Variants in SUGCT observed in about 807,000 individuals in gnomAD.
The protein encoded by SUGCT is succinyl-CoA:glutarate CoA-transferase.
Under a neutral mutation model 55.0 loss-of-function variants are expected in SUGCT, and 41 were observed. The ratio of observed to expected loss-of-function variants is 0.74; its 90% CI spans 0.58 to 0.97. The LOEUF (loss-of-function observed/expected upper bound fraction) is 0.97, where lower values mean the gene tolerates loss of function less well. SUGCT is among the 50% of genes least tolerant of loss of function. The pLI is 0.00. For missense variants in SUGCT, 568 were observed against 547.8 expected (o/e 1.04, Z -0.37); for synonymous variants, 187 against 200.4 (o/e 0.93, Z 0.56).
intron 13 of SUGCT, among the ~76,000 whole-genome samples, chr7:40,851,417 A>G (rs921012744): frequency 3.9e-5 from 6 of 152,224 alleles, no homozygotes; most frequent in African/African-American, 1.4e-4. Flanking sequence ...CGTTCATTAA[A>G]TAGTAGTTTT....
At chr7:40,957,258 C>T in the SUGCT span, among the ~76,000 whole-genome samples, 4 of 152,076 alleles carry the variant, frequency 2.6e-5, no homozygotes, top group Admixed American at 2.0e-4. Flanking sequence ...GTCAAAGTCT[C>T]TTTGTAGGTC....
intron 9 of SUGCT, among the ~76,000 whole-genome samples, chr7:40,362,882 T>A (rs1798224060): frequency 6.6e-6 from 1 of 152,130 alleles, no homozygotes; most frequent in African/African-American, 2.4e-5. Context: ...AAGTGCAATT[T>A]TGTCTTATAG....
At chr7:40,335,421 C>T (rs1211957188) in intron 9 of SUGCT, among the ~76,000 whole-genome samples, 1 of 151,646 alleles carries the variant, frequency 6.6e-6, no homozygotes, top group East Asian at 1.9e-4. Flanking sequence ...TCTTTTATTT[C>T]ATTGAGCAGT....
At chr7:40,265,298 G>A (rs1791491948) in intron 7 of SUGCT, among the ~76,000 whole-genome samples, 1 of 152,160 alleles carries the variant, frequency 6.6e-6, no homozygotes, top group South Asian at 2.1e-4. Flanking sequence ...AAGTAATTAG[G>A]TTGAGTAATG....
chr7:40,930,229 G>T, the SUGCT span, among the ~76,000 whole-genome samples: 1 of 152,282 alleles, frequency 6.6e-6, no homozygotes, highest in South Asian at 2.1e-4. Flanking sequence ...ACAGACAGTT[G>T]TAGATGAGTG....
chr7:40,858,772 T>TA (rs1794333323), intron 13 of SUGCT, among the ~76,000 whole-genome samples: 1 of 152,118 alleles, frequency 6.6e-6, no homozygotes, highest in Admixed American at 6.5e-5. Context: ...CTGGGGCATT[T>TA]AAAAGAAAAT....
intron 9 of SUGCT, among the ~76,000 whole-genome samples, chr7:40,336,398 G>C (rs573048161): frequency 6.6e-6 from 1 of 152,228 alleles, no homozygotes; most frequent in African/African-American, 2.4e-5. Context: ...TTGGTTGATA[G>C]GCTATTAATT....
chr7:40,543,433 A>G (rs1415613511), intron 12 of SUGCT, among the ~76,000 whole-genome samples: 1 of 152,236 alleles, frequency 6.6e-6, no homozygotes, highest in Non-Finnish European at 1.5e-5. Flanking sequence ...GCTGCAACAC[A>G]CAGACTGAAA....
At chr7:40,341,058 A>C (rs1168430422) in intron 9 of SUGCT, among the ~76,000 whole-genome samples, 1 of 152,170 alleles carries the variant, frequency 6.6e-6, no homozygotes, top group African/African-American at 2.4e-5. Context: ...CAAGGGAATA[A>C]ATGGATCTAA....
At chr7:40,789,653 G>A (rs1790208509) in intron 13 of SUGCT, among the ~76,000 whole-genome samples, 1 of 152,098 alleles carries the variant, frequency 6.6e-6, no homozygotes, top group South Asian at 2.1e-4. Context: ...TGGGATAGCT[G>A]GATTTTGAAT....
At chr7:40,760,295 T>G (rs1788466913) in intron 13 of SUGCT, among the ~76,000 whole-genome samples, 1 of 152,216 alleles carries the variant, frequency 6.6e-6, no homozygotes, top group African/African-American at 2.4e-5. Flanking sequence ...ATGATTTTTC[T>G]TCCCCAAGCA....
chr7:40,808,052 A>G (rs967033198), intron 13 of SUGCT: 2 of 152,188 alleles, frequency 1.3e-5, no homozygotes, highest in African/African-American at 4.8e-5. Flanking sequence ...CCACATAGAC[A>G]CACCGAGGAA....
chr7:40,994,316 C>G, the SUGCT span, among the ~76,000 whole-genome samples: 1 of 152,134 alleles, frequency 6.6e-6, no homozygotes, highest in African/African-American at 2.4e-5. Context: ...ATCATTAAAA[C>G]TAGATTGAGA....
intron 10 of SUGCT, among the ~76,000 whole-genome samples, chr7:40,451,798 C>T (rs916235924): frequency 3.3e-5 from 5 of 152,322 alleles, no homozygotes; most frequent in Non-Finnish European, 7.4e-5. Flanking sequence ...GCAAGGTTTT[C>T]TTCCCTTCCC....
rs73318559 is a variant in SUGCT at position 40,273,672 on chromosome 7, C to T, written c.577-841C>T. Among the ~76,000 whole-genome samples, 941 of 152,192 alleles carry T rather than the reference C, an allele frequency of 6.2e-3. 7 individuals carry two copies. The highest frequency in any genetic ancestry group is 0.021 in the African/African-American group (889 of 41,518). ...AGCTTTCCTTATAATTTCAAGAATA[C>T]AAGCAATCAAAAGGCTCAGAAAAAG... On this transcript the variant is annotated intron_variant, in intron 7 of 13. Coordinates refer to ENST00000335693, the MANE Select transcript of SUGCT (RefSeq NM_001193313.2).
At chr7:40,292,367 G>A (rs1793843183) in intron 8 of SUGCT, among the ~76,000 whole-genome samples, 1 of 151,914 alleles carries the variant, frequency 6.6e-6, no homozygotes, top group Non-Finnish European at 1.5e-5. Flanking sequence ...CTTCTTGGTG[G>A]GATAGTTATT....
chr7:40,869,418 G>A, the SUGCT span, among the ~76,000 whole-genome samples: 2 of 152,196 alleles, frequency 1.3e-5, no homozygotes, highest in Non-Finnish European at 2.9e-5. Flanking sequence ...AGGGACCTCA[G>A]TCCTACAACC....
the SUGCT span, among the ~76,000 whole-genome samples, chr7:40,937,458 C>T: frequency 2.6e-5 from 4 of 152,288 alleles, no homozygotes; most frequent in African/African-American, 4.8e-5. Context: ...CACCTGGCTT[C>T]AGTTTAGTTG....
At chr7:40,819,096 TA>T (rs1230807797) in intron 13 of SUGCT, among the ~76,000 whole-genome samples, 1 of 152,094 alleles carries the variant, frequency 6.6e-6, no homozygotes, top group Admixed American at 6.5e-5. Context: ...AATCCTTTTT[TA>T]TGGCTGCATA....
Sources: allele counts gnomAD v4.1 joint callset (sites outside exome capture counted in the v4.1 genomes callset), GRCh38; gene constraint gnomAD v4.1.1; transcripts MANE v1.5; gene names NCBI Gene and HGNC (gene_info 2026-07-23, HGNC 2026-07-21).